SIRPG: variants seen among roughly 807,000 people sequenced by gnomAD.
SIRPG encodes the protein signal-regulatory protein gamma.
SIRPG carries 38 observed loss-of-function variants against 35.7 expected under a neutral mutation model. The observed-to-expected ratio is 1.06, with a 90% CI of 0.82 to 1.40. SIRPG has a LOEUF of 1.40. Ranked by LOEUF, SIRPG falls within the 40% of genes most tolerant of loss-of-function variation. The pLI is 0.00. For missense variants in SIRPG, 519 were observed against 483.0 expected, an observed-to-expected ratio of 1.07 and a Z score of -0.70; for synonymous variants, 215 against 190.4, an observed-to-expected ratio of 1.13 and a Z score of -1.06.
At chr20:1,682,806 G>A in the SIRPG span, among the ~76,000 whole-genome samples, 1 of 152,140 alleles carries the variant, frequency 6.6e-6, no homozygotes, top group Non-Finnish European at 1.5e-5. Flanking sequence ...TCAGTTTCTA[G>A]ATATCAGCCC....
At chr20:1,648,642 T>TA (rs1238513552) in intron 2 of SIRPG, among the ~76,000 whole-genome samples, 1 of 151,328 alleles carries the variant, frequency 6.6e-6, no homozygotes, top group East Asian at 1.9e-4. Context: ...TATAATAAAA[T>TA]AAAATAAATA....
At chr20:1,684,252 T>C in the SIRPG span, among the ~76,000 whole-genome samples, 2 of 152,194 alleles carry the variant, frequency 1.3e-5, no homozygotes, top group Non-Finnish European at 2.9e-5. Context: ...ACATATTTTA[T>C]AATATGTTGT....
chr20:1,665,245 G>A, the SIRPG span: 1 of 159,300 alleles, frequency 6.3e-6, no homozygotes, highest in Non-Finnish European at 1.4e-5. Flanking sequence ...CCCTTCTGCG[G>A]CAACCCTTGG....
At chr20:1,669,998 G>A in the SIRPG span, 342 of 246,226 alleles carry the variant, frequency 1.4e-3, 6 homozygotes, top group Middle Eastern at 0.066. Context: ...CCCATCATGC[G>A]CCATCTGGTA....
At chr20:1,670,986 C>A in the SIRPG span, 29 of 364,198 alleles carry the variant, frequency 8.0e-5, no homozygotes, top group East Asian at 8.9e-5. Context: ...CAGAGGCCAG[C>A]ACCATCCTGG....
At chr20:1,677,379 G>A in the SIRPG span, among the ~76,000 whole-genome samples, 1 of 152,152 alleles carries the variant, frequency 6.6e-6, no homozygotes, top group Non-Finnish European at 1.5e-5. Context: ...TAGAAATGAT[G>A]AGCATAATAC....
the SIRPG span, among the ~76,000 whole-genome samples, chr20:1,684,369 C>T: frequency 3.3e-5 from 5 of 151,370 alleles, no homozygotes; most frequent in Admixed American, 2.6e-4. Context: ...ATCTTATGTA[C>T]ATGTATGTAC....
the SIRPG span, among the ~76,000 whole-genome samples, chr20:1,665,906 T>C: frequency 1.3e-5 from 2 of 151,952 alleles, no homozygotes; most frequent in Non-Finnish European, 2.9e-5. Flanking sequence ...TTTGGATATA[T>C]ATAAAAAAAA....
At chr20:1,656,450 C>A (rs1274553690) in intron 1 of SIRPG, among the ~76,000 whole-genome samples, 1 of 152,208 alleles carries the variant, frequency 6.6e-6, no homozygotes, top group African/African-American at 2.4e-5. Context: ...TGAACTATTA[C>A]TGCTGTCATT....
chr20:1,671,694 T>G, the SIRPG span, among the ~76,000 whole-genome samples: 1 of 152,188 alleles, frequency 6.6e-6, no homozygotes, highest in East Asian at 1.9e-4. Flanking sequence ...GTGATAAGCA[T>G]TTTTTCTATA....
chr20:1,634,450 G>C (rs527727412), intron 4 of SIRPG, among the ~76,000 whole-genome samples: 1 of 151,190 alleles, frequency 6.6e-6, no homozygotes, highest in African/African-American at 2.4e-5. Flanking sequence ...CTCGTGATCC[G>C]CCCGCCTCGG....
intron 2 of SIRPG, chr20:1,646,316 G>A (rs2091897025): frequency 1.3e-5 from 2 of 152,268 alleles, no homozygotes; most frequent in South Asian, 2.1e-4. Flanking sequence ...AACACTGTAG[G>A]CTCCTGTCAG....
intron 2 of SIRPG, among the ~76,000 whole-genome samples, chr20:1,641,891 G>C (rs773477817): frequency 1.3e-5 from 2 of 152,200 alleles, no homozygotes; most frequent in Non-Finnish European, 2.9e-5. Flanking sequence ...TTTCCATGTA[G>C]TTGTGTGGTT....
chr20:1,656,843 C>A (rs60736823), intron 1 of SIRPG, among the ~76,000 whole-genome samples: 1 of 152,034 alleles, frequency 6.6e-6, no homozygotes, highest in East Asian at 1.9e-4. Context: ...TATTTGGAGA[C>A]AAGGTCTTTA....
At chr20:1,636,084 G>A (rs989885156) in intron 3 of SIRPG, 104 bp downstream of exon 3, 2 of 1,522,504 alleles carry the variant, frequency 1.3e-6, no homozygotes, top group East Asian at 2.3e-5. Context: ...GTATAGTCAG[G>A]GATTAGATTA....
intron 1 of SIRPG, among the ~76,000 whole-genome samples, chr20:1,650,056 A>G (rs1352332998): frequency 7.1e-6 from 1 of 141,762 alleles, no homozygotes; most frequent in Non-Finnish European, 1.5e-5. Flanking sequence ...ATATTTTTAT[A>G]TATTTTATAT....
chr20:1,659,109 C>CAA, upstream of SIRPG, among the ~76,000 whole-genome samples: 1 of 152,026 alleles, frequency 6.6e-6, no homozygotes, highest in African/African-American at 2.4e-5. Context: ...TAATTATAAG[C>CAA]AAAAAAACAT....
At chr20:1,650,924 T>C (rs2091936445) in intron 1 of SIRPG, among the ~76,000 whole-genome samples, 2 of 152,192 alleles carry the variant, frequency 1.3e-5, no homozygotes, top group Non-Finnish European at 2.9e-5. Flanking sequence ...GCTCTTTATA[T>C]AAAGTATTGG....
intron 2 of SIRPG, among the ~76,000 whole-genome samples, chr20:1,644,458 C>A (rs2091881411): frequency 6.6e-6 from 1 of 152,212 alleles, no homozygotes; most frequent in South Asian, 2.1e-4. Context: ...AGATGGCTGC[C>A]ACCTTTCCTT....
Sources: allele counts gnomAD v4.1 joint callset (sites outside exome capture counted in the v4.1 genomes callset), GRCh38; gene constraint gnomAD v4.1.1; transcripts MANE v1.5; gene names NCBI Gene and HGNC (gene_info 2026-07-23, HGNC 2026-07-21).